GPHN: variants seen among roughly 807,000 people sequenced by gnomAD.
GPHN encodes the protein gephyrin.
In GPHN, 17 loss-of-function variants were observed where a neutral mutation model predicts 95.5. The observed-to-expected ratio is 0.18, with a 90% CI of 0.12 to 0.27. GPHN has a LOEUF of 0.27. GPHN is among the 10% of genes least tolerant of loss of function. GPHN has a pLI of 1.00. For missense variants in GPHN, 660 were observed against 978.1 expected, an observed-to-expected ratio of 0.67 and a Z score of 4.34; for synonymous variants, 320 against 322.5, an observed-to-expected ratio of 0.99 and a Z score of 0.08.
chr14:66,558,515 A>AT (rs892943553), intron 1 of GPHN, among the ~76,000 whole-genome samples: 8 of 152,132 alleles, frequency 5.3e-5, no homozygotes, highest in African/African-American at 1.9e-4. Context: ...ACCCCTGTAT[A>AT]TTTTTTTATG....
intron 18 of GPHN, among the ~76,000 whole-genome samples, chr14:67,151,651 T>A (rs1405346875): frequency 6.6e-6 from 1 of 152,174 alleles, no homozygotes; most frequent in Admixed American, 6.5e-5. Flanking sequence ...TGTTTTTGTT[T>A]TTGTTTTTTT....
chr14:66,763,235 T>C (rs1050016421), intron 2 of GPHN, among the ~76,000 whole-genome samples: 4 of 147,044 alleles, frequency 2.7e-5, no homozygotes, highest in Non-Finnish European at 6.0e-5. Context: ...TTTTTTTTTT[T>C]CTTTTTTTAT....
At chr14:66,699,588 A>G (rs1189919094) in intron 2 of GPHN, among the ~76,000 whole-genome samples, 1 of 152,186 alleles carries the variant, frequency 6.6e-6, no homozygotes, top group African/African-American at 2.4e-5. Flanking sequence ...AATGTGGAAG[A>G]TGTCTGGTAT....
chr14:67,373,842 AGTGTGTGTGTGT>A, the GPHN span, among the ~76,000 whole-genome samples: 7 of 145,686 alleles, frequency 4.8e-5, no homozygotes, highest in South Asian at 2.2e-4. Context: ...TAATTTGTTC[AGTGTGTGTGTGT>A]GTGTGTGTGT....
At chr14:67,341,232 C>T in the GPHN span, among the ~76,000 whole-genome samples, 2 of 152,068 alleles carry the variant, frequency 1.3e-5, no homozygotes, top group South Asian at 2.1e-4. Context: ...AAGTGAGGAG[C>T]GTCTCTGCCC....
At chr14:66,629,102 T>A (rs2063638928) in intron 1 of GPHN, among the ~76,000 whole-genome samples, 1 of 136,632 alleles carries the variant, frequency 7.3e-6, no homozygotes, top group Non-Finnish European at 1.6e-5. Context: ...TATAAATATA[T>A]ATTTATATAC....
intron 2 of GPHN, among the ~76,000 whole-genome samples, chr14:66,704,791 G>A (rs1418319716): frequency 6.6e-6 from 1 of 152,090 alleles, no homozygotes; most frequent in Non-Finnish European, 1.5e-5. Flanking sequence ...AAAGCTAGTA[G>A]AAGACAAGAA....
At chr14:67,144,264 T>TATATATAC (rs1555502055) in intron 18 of GPHN, among the ~76,000 whole-genome samples, 1 of 83,134 alleles carries the variant, frequency 1.2e-5, no homozygotes, top group East Asian at 3.2e-4. Context: ...TATATATATA[T>TATATATAC]ATATATATAT....
the GPHN span, among the ~76,000 whole-genome samples, chr14:67,519,825 C>T: frequency 1.3e-5 from 2 of 151,964 alleles, no homozygotes; most frequent in Admixed American, 6.6e-5. Context: ...TAGGCTCAAG[C>T]GATTCTCCTG....
chr14:67,562,565 C>G, the GPHN span: 1 of 1,612,060 alleles, frequency 6.2e-7, no homozygotes, highest in Non-Finnish European at 8.5e-7. Context: ...CAGTCTGACC[C>G]TACCAAAGGT....
chr14:66,693,845 A>G (rs545788206), intron 2 of GPHN, among the ~76,000 whole-genome samples: 2 of 152,350 alleles, frequency 1.3e-5, no homozygotes, highest in East Asian at 1.9e-4. Context: ...GGACATTTTC[A>G]TAATACTCTG....
chr14:67,174,411 C>T (rs2082795006), intron 21 of GPHN, among the ~76,000 whole-genome samples: 1 of 152,186 alleles, frequency 6.6e-6, no homozygotes, highest in Non-Finnish European at 1.5e-5. Context: ...GACATGAACT[C>T]ATCCATTTTT....
chr14:67,575,413 G>A, the GPHN span: 2 of 1,609,206 alleles, frequency 1.2e-6, no homozygotes, highest in Non-Finnish European at 1.7e-6. Context: ...CCACTCCAAG[G>A]TGGTCTGGTG....
the GPHN span, among the ~76,000 whole-genome samples, chr14:67,192,857 C>A: frequency 7.2e-6 from 1 of 139,244 alleles, no homozygotes; most frequent in African/African-American, 2.7e-5. Context: ...TATAGATATA[C>A]AGATATATAT....
At chr14:66,922,583 T>C in intron 6 of GPHN, 83 bp from the exon 7 acceptor site, 1 of 1,124,312 alleles carries the variant, frequency 8.9e-7, no homozygotes. Context: ...AAATCCAAAA[T>C]CACGAAACAG....
chr14:67,394,139 ATTTCT>A, the GPHN span, among the ~76,000 whole-genome samples: 23 of 152,146 alleles, frequency 1.5e-4, no homozygotes, highest in Non-Finnish European at 2.8e-4. Flanking sequence ...ATTTTCAGAC[ATTTCT>A]TTTCTTCTCC....
chr14:66,937,647 G>T (rs557211709), intron 8 of GPHN, among the ~76,000 whole-genome samples: 146 of 151,586 alleles, frequency 9.6e-4, no homozygotes, highest in Non-Finnish European at 1.9e-3. Context: ...CAAAGTGCTG[G>T]ATTACAGGCA....
At chr14:66,832,943 A>C (rs1003671995) in intron 4 of GPHN, among the ~76,000 whole-genome samples, 9 of 152,224 alleles carry the variant, frequency 5.9e-5, no homozygotes, top group Non-Finnish European at 4.4e-5. Context: ...ATATATGAGC[A>C]AGGCACAGAG....
At chr14:67,029,391 G>A (rs905433578) in intron 10 of GPHN, among the ~76,000 whole-genome samples, 5 of 148,922 alleles carry the variant, frequency 3.4e-5, no homozygotes, top group Non-Finnish European at 7.4e-5. Flanking sequence ...AGGCTGGTGT[G>A]CAATGGCACA....
Sources: allele counts gnomAD v4.1 joint callset (sites outside exome capture counted in the v4.1 genomes callset), GRCh38; gene constraint gnomAD v4.1.1; transcripts MANE v1.5; gene names NCBI Gene and HGNC (gene_info 2026-07-23, HGNC 2026-07-21).